The following RP1 variants were observed in gnomAD, a reference collection of about 807,000 sequenced individuals.
RP1 encodes RP1 axonemal microtubule associated.
Under a neutral mutation model 14.8 loss-of-function variants are expected in RP1, and 16 were observed. The observed-to-expected ratio is 1.08, with a 90% CI of 0.73 to 1.65. The LOEUF (loss-of-function observed/expected upper bound fraction) is 1.65, where lower values mean the gene tolerates loss of function less well. Ranked by LOEUF, RP1 falls within the 40% of genes most tolerant of loss-of-function variation. The pLI, the probability that RP1 is intolerant of heterozygous loss-of-function variation, is 0.00. For synonymous variants in RP1, 876 were observed against 883.6 expected, an observed-to-expected ratio of 0.99 and a Z score of 0.15; for missense variants, 2,631 against 2,535.0, an observed-to-expected ratio of 1.04 and a Z score of -0.81.
chr8:54,751,511 A>C (rs549288483), intron 19 of RP1, among the ~76,000 whole-genome samples: 1 of 152,352 alleles, frequency 6.6e-6, no homozygotes, highest in South Asian at 2.1e-4. Context: ...AGGTAAAATA[A>C]ACTTTCTTAC....
At chr8:54,813,109 A>T (rs1164185056) in intron 24 of RP1, among the ~76,000 whole-genome samples, 1 of 152,244 alleles carries the variant, frequency 6.6e-6, no homozygotes, top group Non-Finnish European at 1.5e-5. Flanking sequence ...GCAGAAAGTG[A>T]AGCCGTAGGC....
chr8:54,684,647 C>T (rs1807516467), intron 12 of RP1, among the ~76,000 whole-genome samples: 1 of 152,080 alleles, frequency 6.6e-6, no homozygotes, highest in Non-Finnish European at 1.5e-5. Context: ...TCTTTGGGGT[C>T]AGTGGTGATA....
intron 22 of RP1, among the ~76,000 whole-genome samples, chr8:54,768,091 AC>A (rs1240821337): frequency 6.6e-6 from 1 of 151,686 alleles, no homozygotes; most frequent in Non-Finnish European, 1.5e-5. Flanking sequence ...CCCACACACA[AC>A]CCCTGCCGCT....
At chr8:54,845,171 A>T (rs891823685) in intron 25 of RP1, among the ~76,000 whole-genome samples, 4 of 152,204 alleles carry the variant, frequency 2.6e-5, no homozygotes, top group Non-Finnish European at 4.4e-5. Context: ...GTTAGGAAGG[A>T]GGAGACAAGT....
chr8:54,735,524 G>C (rs1410180495), intron 18 of RP1, among the ~76,000 whole-genome samples: 2 of 152,126 alleles, frequency 1.3e-5, no homozygotes, highest in East Asian at 3.9e-4. Context: ...GAATGATTGA[G>C]GACAACTCAT....
intron 15 of RP1, among the ~76,000 whole-genome samples, chr8:54,716,497 T>C (rs1011301375): frequency 2.0e-5 from 3 of 152,164 alleles, no homozygotes; most frequent in Admixed American, 6.5e-5. Context: ...GCTGATTTGG[T>C]TTGTCCCTGA....
chr8:54,813,262 G>A (rs1381266407), intron 24 of RP1, among the ~76,000 whole-genome samples: 3 of 152,202 alleles, frequency 2.0e-5, no homozygotes, highest in Non-Finnish European at 2.9e-5. Flanking sequence ...TTAACTGACA[G>A]CAAGTTAGCA....
intron 19 of RP1, among the ~76,000 whole-genome samples, chr8:54,750,075 T>C (rs988530040): frequency 1.7e-4 from 26 of 152,214 alleles, no homozygotes; most frequent in African/African-American, 6.0e-4. Flanking sequence ...GGAATTGGAA[T>C]AGAATTTCTC....
At chr8:54,724,663 G>T (rs930451631) in intron 16 of RP1, among the ~76,000 whole-genome samples, 3 of 152,010 alleles carry the variant, frequency 2.0e-5, no homozygotes, top group Admixed American at 6.5e-5. Context: ...GGGTCACTTT[G>T]GTACTTGGCT....
intron 1 of RP1, among the ~76,000 whole-genome samples, chr8:54,570,520 G>A (rs574016157): frequency 4.0e-5 from 6 of 151,774 alleles, no homozygotes; most frequent in African/African-American, 1.5e-4. Flanking sequence ...GTAGAGATGG[G>A]GTTTCACCAT....
intron 17 of RP1, among the ~76,000 whole-genome samples, chr8:54,726,835 T>G (rs1290354043): frequency 6.7e-6 from 1 of 148,182 alleles, no homozygotes; most frequent in East Asian, 1.9e-4. Flanking sequence ...AAAAAATAAT[T>G]TCTATTTCTC....
intron 25 of RP1, among the ~76,000 whole-genome samples, chr8:54,840,289 G>T (rs1256603729): frequency 1.3e-5 from 2 of 151,922 alleles, no homozygotes; most frequent in Admixed American, 6.6e-5. Flanking sequence ...GTCTCTCTCT[G>T]TTGCCCAGGC....
intron 24 of RP1, among the ~76,000 whole-genome samples, chr8:54,807,920 A>G (rs1012486285): frequency 2.6e-5 from 4 of 152,014 alleles, no homozygotes; most frequent in African/African-American, 7.3e-5. Flanking sequence ...AGACCCGTCC[A>G]CATTATGGAA....
intron 1 of RP1, among the ~76,000 whole-genome samples, chr8:54,588,623 T>C (rs565184551): frequency 2.0e-5 from 3 of 152,238 alleles, no homozygotes; most frequent in African/African-American, 7.2e-5. Context: ...CAGAAGCTAG[T>C]GTTAGTAGCC....
chr8:54,662,241 A>G (rs1410928476), intron 6 of RP1, among the ~76,000 whole-genome samples: 1 of 152,094 alleles, frequency 6.6e-6, no homozygotes, highest in Non-Finnish European at 1.5e-5. Flanking sequence ...GAGAATGTTG[A>G]TATTTTTGTT....
At chr8:54,801,574 C>T (rs115995545) in intron 24 of RP1, among the ~76,000 whole-genome samples, 2 of 151,744 alleles carry the variant, frequency 1.3e-5, no homozygotes, top group Non-Finnish European at 2.9e-5. Context: ...TCAGGACTTC[C>T]GCCTTGGCTG....
chr8:54,836,967 C>CG, intron 24 of RP1, among the ~76,000 whole-genome samples: 1 of 151,954 alleles, frequency 6.6e-6, no homozygotes, highest in East Asian at 1.9e-4. Flanking sequence ...ATTATGTGTT[C>CG]TGGGGGGTGC....
At chr8:54,699,896 G>T (rs1395623388) in intron 13 of RP1, among the ~76,000 whole-genome samples, 1 of 152,114 alleles carries the variant, frequency 6.6e-6, no homozygotes, top group Non-Finnish European at 1.5e-5. Flanking sequence ...GTTATACCTT[G>T]TGTTGCTTAG....
intron 24 of RP1, among the ~76,000 whole-genome samples, chr8:54,792,930 A>C (rs1810501109): frequency 6.6e-6 from 1 of 151,852 alleles, no homozygotes; most frequent in Non-Finnish European, 1.5e-5. Context: ...GATAAACTTA[A>C]GCCTCTAGCT....
Sources: gnomAD v4.1 joint callset for allele counts (sites outside exome capture counted in the v4.1 genomes callset) on GRCh38, gnomAD v4.1.1 for gene constraint, MANE v1.5 for transcripts, NCBI Gene and HGNC (gene_info 2026-07-23, HGNC 2026-07-21) for gene names.